Variants in ANKRD24 observed in about 807,000 individuals in gnomAD.
The protein encoded by ANKRD24 is ankyrin repeat domain-containing protein 24.
A neutral mutation model predicts 127.8 loss-of-function variants in ANKRD24; 109 were observed. That is an observed-to-expected ratio of 0.85 (90% CI 0.73 to 1.00). The LOEUF is 1.00. Among genes scored for constraint, ANKRD24 ranks in the 50% least tolerant of loss-of-function variants. ANKRD24 has a pLI of 0.00. For missense variants in ANKRD24, 1,648 were observed against 1,570.2 expected, an observed-to-expected ratio of 1.05 and a Z score of -0.84; for synonymous variants, 743 against 671.1, an observed-to-expected ratio of 1.11 and a Z score of -1.66.
In ANKRD24 at chr19:4,198,947, C is replaced by T; in HGVS notation, c.37-736C>T. 6.6e-6 allele frequency among the ~76,000 whole-genome samples: 1 copy of T among 152,038 alleles called. No homozygotes were observed. Among genetic ancestry groups the T allele is most frequent in the East Asian group, 1.9e-4 (1 of 5,190 alleles). ...ATGTTTTTGGAGGATATTTTTGGGA[C>T]ATGACGGTATCATTGGGAAGGATGG... On this transcript the variant is annotated intron_variant, in intron 2 of 21. Transcript: ENST00000318934. This position sits in a 1 kb window ranked among gnomAD's most constrained non-coding sequence, Gnocchi z 6.1.
intron 17 of ANKRD24, 21 bp from the exon 18 acceptor site, chr19:4,216,529 G>GCC (rs757549498): frequency 1.3e-6 from 2 of 1,588,056 alleles, no homozygotes; most frequent in East Asian, 2.3e-5. Flanking sequence ...CCAGACTCCT[G>GCC]CCCCCCACTC....
At chr19:4,216,161 T>A (rs945220280) in intron 16 of ANKRD24, 111 bp downstream of exon 16, 130 of 1,402,108 alleles carry the variant, frequency 9.3e-5, no homozygotes, top group Non-Finnish European at 1.2e-4. Context: ...TTTGTACTCA[T>A]CCGTTTTTTA....
In ANKRD24 at chr19:4,207,538, G is replaced by T; in HGVS notation, c.575G>T (p.Cys192Phe). 6.2e-7 allele frequency: 1 copy of T among 1,613,914 alleles called. No homozygotes were observed. Among genetic ancestry groups the T allele is most frequent in the Non-Finnish European group, 8.5e-7 (1 of 1,179,874 alleles). ...CCCCTCATTATAGCAGCTCAGATGT[G>T]TCACACAGACCTGTGCCGTCTCCTA... is the stretch of plus-strand genomic sequence containing the variant. ...ATPLIIAAQM[C>F]HTDLCRLLLQ... Residue 192 changes from cysteine to phenylalanine, a missense_variant, in exon 9 of 22, where the codon TGT becomes TTT. Physicochemically the swap from Cys to Phe is radical, Grantham distance 205. Transcript: ENST00000318934.
Position 4,222,740 on chromosome 19 carries a change from C to T in ANKRD24, c.3242C>T (p.Thr1081Ile). ...AAGGAGCAGCCGGCCGCCCTCGCCA[C>T]CCCTGAGGTGGAGGCTCTCCGTGAC... Reference protein sequence around the residue: ...ALKEQPAALATPEVEALRDQV... With the variant: ...ALKEQPAALAIPEVEALRDQV... Residue 1081 changes from threonine to isoleucine, a missense_variant, in exon 20 of 22, where the codon ACC becomes ATC. Physicochemically the swap from Thr to Ile is moderately conservative, Grantham distance 89 (BLOSUM62 -1). Coordinates refer to ENST00000318934, the MANE Select transcript of ANKRD24 (RefSeq NM_001393985.1). 1.2e-6 allele frequency: 2 copies of T among 1,611,874 alleles called. No homozygotes were observed. The highest frequency in any genetic ancestry group is 1.7e-6 in the Non-Finnish European group (2 of 1,178,688).
intron 7 of ANKRD24, among the ~76,000 whole-genome samples, chr19:4,205,180 T>C (rs1354201281): frequency 1.3e-5 from 2 of 151,482 alleles, no homozygotes; most frequent in African/African-American, 4.9e-5. Context: ...GGAGGTTGCA[T>C]AGAGCCGAGA....
intron 7 of ANKRD24, among the ~76,000 whole-genome samples, chr19:4,204,165 C>T (rs1269859789): frequency 6.7e-6 from 1 of 150,340 alleles, no homozygotes; most frequent in African/African-American, 2.5e-5. Context: ...CGGGGTTTCA[C>T]TGTGTTAGCC....
intron 5 of ANKRD24, among the ~76,000 whole-genome samples, chr19:4,200,741 T>TG (rs1391267094): frequency 6.6e-6 from 1 of 152,062 alleles, no homozygotes; most frequent in Non-Finnish European, 1.5e-5. Context: ...AGGCCGGTCT[T>TG]GAACTCCTGG....
At position 4,182,691 on chromosome 19, in the gene ANKRD24, A is replaced by C. The variant is rs1177400851; in HGVS notation, c.-86A>C. Reference sequence around the variant, plus strand: ...CGCATGCGCCTCTTGCTGACGCCGCAGGCGACATGTTATCTGCTGTCAGAA... The same window carrying C: ...CGCATGCGCCTCTTGCTGACGCCGCCGGCGACATGTTATCTGCTGTCAGAA... On this transcript the variant is annotated 5_prime_UTR_variant, in exon 1 of 22. Transcript: ENST00000318934. The C allele has an allele frequency of 1.1e-5, 16 of 1,415,284 alleles. No homozygotes were observed. Among genetic ancestry groups the C allele is most frequent in the Non-Finnish European group, 1.4e-5 (15 of 1,083,184 alleles). The allele number at this position is 1,415,284 out of a possible 1,614,324, so 87.7% of individuals were successfully genotyped here. A position where few individuals can be genotyped will look rare whatever the true frequency, so the allele number is the denominator to read the frequency against.
rs1469930083 is a variant in ANKRD24 at position 4,217,855 on chromosome 19, C to G, written c.2695C>G (p.Leu899Val). Residue 899 changes from leucine (L) to valine (V), a missense_variant, in exon 18 of 22, where the codon CTG (leucine) becomes GTG (valine). Transcript: ENST00000318934. The stretch of plus-strand genomic sequence containing the variant: ...GGCCTGCGAGGAGGCGCGGCAGGGC[C>G]TGGCCGAGCTGCGGGAGGCCTCCGA... ...PAACEEARQGLAELREASEAL... is the reference protein window; with the variant it reads ...PAACEEARQGVAELREASEAL... The G allele has an allele frequency of 6.9e-7, 1 of 1,452,030 alleles. No homozygotes were observed. The highest frequency in any genetic ancestry group is 3.0e-5 in the East Asian group (1 of 32,904). The allele number at this position is 1,452,030 out of a possible 1,614,324, so 89.9% of individuals were successfully genotyped here. A position where few individuals can be genotyped will look rare whatever the true frequency, so the allele number is the denominator to read the frequency against.
chr19:4,188,670 G>T (rs1357499454), intron 2 of ANKRD24, among the ~76,000 whole-genome samples: 1 of 151,980 alleles, frequency 6.6e-6, no homozygotes, highest in African/African-American at 2.4e-5. Flanking sequence ...GTGAGCCACT[G>T]CGCCCAGCCA....
At chr19:4,208,030 T>C in intron 10 of ANKRD24, 62 bp downstream of exon 10, 4 of 1,400,678 alleles carry the variant, frequency 2.9e-6, no homozygotes. Context: ...ACTCCCCTTC[T>C]CTTTATCGTG....
At chr19:4,189,073 G>C (rs887851128) in intron 2 of ANKRD24, among the ~76,000 whole-genome samples, 5 of 151,892 alleles carry the variant, frequency 3.3e-5, no homozygotes, top group Non-Finnish European at 7.4e-5. Context: ...GCCTCCCAAA[G>C]TGCTGGAATT....
At position 4,195,786 on chromosome 19, in the gene ANKRD24, C is replaced by T. The variant is rs1181265497; in HGVS notation, c.37-3897C>T. On this transcript the variant is annotated intron_variant, in intron 2 of 21. Transcript: ENST00000318934. This position sits in a 1 kb window ranked among gnomAD's most constrained non-coding sequence, Gnocchi z 4.2. The stretch of plus-strand genomic sequence containing the variant: ...GCGTGTGCCTGTAATCCCAGCTACT[C>T]GGGAAGCTGAAGCAGGAGAATTGCT... Among the ~76,000 whole-genome samples the T allele has an allele frequency of 4.6e-5, 7 of 152,088 alleles. 1 individual carries two copies. Among genetic ancestry groups the T allele is most frequent in the African/African-American group, 9.7e-5 (4 of 41,412 alleles).
intron 7 of ANKRD24, among the ~76,000 whole-genome samples, chr19:4,206,761 C>T (rs1259694317): frequency 6.6e-6 from 1 of 152,160 alleles, no homozygotes; most frequent in East Asian, 1.9e-4. Flanking sequence ...CTGTAAAATG[C>T]AAAACTTGCC....
intron 7 of ANKRD24, among the ~76,000 whole-genome samples, chr19:4,204,808 A>G (rs1368771516): frequency 6.6e-6 from 1 of 152,198 alleles, no homozygotes; most frequent in Non-Finnish European, 1.5e-5. Context: ...GCTTCTGGTC[A>G]CAATATAGGA....
At chr19:4,214,003 C>T (rs1021685028) in intron 15 of ANKRD24, among the ~76,000 whole-genome samples, 4 of 152,052 alleles carry the variant, frequency 2.6e-5, no homozygotes, top group Non-Finnish European at 5.9e-5. Context: ...ATGCACGTGG[C>T]GGAGCATGGT....
chr19:4,210,064 A>G lies in ANKRD24; in HGVS notation c.877A>G (p.Met293Val), dbSNP rs745609493. Residue 293 changes from methionine (M) to valine (V), a missense_variant, in exon 12 of 22, where the codon ATG becomes GTG. Met to Val is a conservative substitution (Grantham distance 21). Transcript: ENST00000318934. ...DSGEASSQNS[M>V]SSHGKQGAPK... is the part of the protein sequence containing the mutation. ...CTCTCCCCTCCCTTCCCAGAACTCTATGTCCAGCCATGGAAAGCAGGGGGC... is the reference window on the plus strand; with the variant it reads ...CTCTCCCCTCCCTTCCCAGAACTCTGTGTCCAGCCATGGAAAGCAGGGGGC... 3.7e-6 allele frequency: 6 copies of G among 1,610,402 alleles called. No individual in the cohort carries two copies. The highest frequency in any genetic ancestry group is 1.1e-5 in the South Asian group (1 of 90,466).
intron 20 of ANKRD24, among the ~76,000 whole-genome samples, chr19:4,223,372 CATAT>C (rs59994305): frequency 0.011 from 768 of 72,836 alleles, 23 homozygotes; most frequent in African/African-American, 0.021. Context: ...CCTGGCCATA[CATAT>C]ATATATATAT....
intron 13 of ANKRD24, among the ~76,000 whole-genome samples, chr19:4,212,197 C>G (rs1333896441): frequency 1.3e-5 from 2 of 151,300 alleles, no homozygotes; most frequent in Non-Finnish European, 2.9e-5. Context: ...GAGATTCCAT[C>G]TCAAAAAAAA....
Sources: allele counts gnomAD v4.1 joint callset (sites outside exome capture counted in the v4.1 genomes callset), GRCh38; gene constraint gnomAD v4.1.1; non-coding constraint Gnocchi (gnomAD v3.1); transcripts MANE v1.5; gene names NCBI Gene and HGNC (gene_info 2026-07-23, HGNC 2026-07-21).